COL8A1: variants seen among roughly 807,000 people sequenced by gnomAD.
COL8A1 encodes collagen type VIII alpha 1 chain.
COL8A1 carries 21 observed loss-of-function variants against 42.7 expected under a neutral mutation model. That is an observed-to-expected ratio of 0.49 (90% confidence interval 0.35 to 0.71). COL8A1 has a LOEUF of 0.71. Ranked by LOEUF, COL8A1 falls within the 30% of genes least tolerant of loss-of-function variation. The pLI, the probability that COL8A1 is intolerant of heterozygous loss-of-function variation, is 0.01. For missense variants in COL8A1, 788 were observed against 962.4 expected (o/e 0.82, Z 2.40); for synonymous variants, 367 against 369.1 (o/e 0.99, Z 0.06).
At chr3:99,713,007 G>A (rs1939888833) in intron 1 of COL8A1, among the ~76,000 whole-genome samples, 1 of 152,128 alleles carries the variant, frequency 6.6e-6, no homozygotes, top group African/African-American at 2.4e-5. Context: ...AGAACAGTTT[G>A]TGCAATGTGA....
chr3:99,774,108 G>C (rs1373321937), intron 2 of COL8A1, among the ~76,000 whole-genome samples: 1 of 150,772 alleles, frequency 6.6e-6, no homozygotes, highest in African/African-American at 2.4e-5. Flanking sequence ...GCCTCCCAAA[G>C]TGCTGGGATT....
chr3:99,719,110 G>A (rs1940080501), intron 1 of COL8A1, among the ~76,000 whole-genome samples: 2 of 151,962 alleles, frequency 1.3e-5, no homozygotes, highest in Non-Finnish European at 2.9e-5. Flanking sequence ...CTAGCTCAGA[G>A]ATTTGTTGTA....
At chr3:99,757,539 C>T (rs899512871) in intron 2 of COL8A1, among the ~76,000 whole-genome samples, 13 of 152,122 alleles carry the variant, frequency 8.5e-5, no homozygotes, top group Non-Finnish European at 1.5e-4. Flanking sequence ...TTTTGACTGC[C>T]GTATTAATTC....
chr3:99,663,387 G>A lies in COL8A1; in HGVS notation c.-129+24723G>A, dbSNP rs554543598. 6.6e-5 allele frequency among the ~76,000 whole-genome samples: 10 copies of A among 152,194 alleles called. No individual in the cohort carries two copies. In the East Asian group the frequency reaches 1.4e-3, roughly 21 times the overall value. On this transcript the variant is annotated intron_variant, in intron 1 of 3. Transcript: ENST00000652472. ...ACAGGGCTCACTCCCTTTGCTGTTT[G>A]CTCTAGGGCCTCTCAAAATTGTCGT...
chr3:99,784,811 A>C (rs1474239734), intron 2 of COL8A1, among the ~76,000 whole-genome samples: 2 of 152,184 alleles, frequency 1.3e-5, no homozygotes, highest in Non-Finnish European at 2.9e-5. Context: ...ACTTTTTTCC[A>C]GTAAATAAAA....
rs188208031 is a variant in COL8A1 at position 99,765,782 on chromosome 3, G to A, written c.-4+20761G>A. Among the ~76,000 whole-genome samples the A allele has an allele frequency of 2.0e-5, 3 of 152,122 alleles. No homozygotes were observed. The East Asian group carries it at 5.8e-4, about 29-fold the overall frequency. On this transcript the variant is annotated intron_variant, in intron 2 of 3. Coordinates refer to ENST00000652472, the MANE Select transcript of COL8A1 (RefSeq NM_020351.4). ...AACCTAAGAATGTTAACATTTTGTG[G>A]TTACTAGATGTTTTTAATACCATTC...
chr3:99,765,324 G>A (rs1020781026), intron 2 of COL8A1, among the ~76,000 whole-genome samples: 3 of 152,086 alleles, frequency 2.0e-5, no homozygotes, highest in Non-Finnish European at 4.4e-5. Flanking sequence ...AACAGCAAGA[G>A]AATGAACTTC....
intron 1 of COL8A1, among the ~76,000 whole-genome samples, chr3:99,708,816 T>C (rs957735678): frequency 2.0e-5 from 3 of 152,176 alleles, no homozygotes; most frequent in African/African-American, 7.2e-5. Context: ...GTGGGAATAG[T>C]CTGAGGGTGA....
chr3:99,793,709 T>A (rs577170612), intron 3 of COL8A1, among the ~76,000 whole-genome samples: 1 of 152,230 alleles, frequency 6.6e-6, no homozygotes, highest in East Asian at 1.9e-4. Flanking sequence ...ATACCTCAAA[T>A]ACATAAAAAA....
At chr3:99,684,529 CT>C (rs540206029) in intron 1 of COL8A1, among the ~76,000 whole-genome samples, 223 of 152,278 alleles carry the variant, frequency 1.5e-3, no homozygotes, top group Non-Finnish European at 2.6e-3. Flanking sequence ...AATTGTTAAT[CT>C]TTATTAAGAG....
At chr3:99,792,837 AATCC>A (rs1442587136) in intron 3 of COL8A1, among the ~76,000 whole-genome samples, 2 of 152,234 alleles carry the variant, frequency 1.3e-5, no homozygotes, top group Admixed American at 1.3e-4. Flanking sequence ...AGGCTTAGGA[AATCC>A]CACAGCACCT....
intron 1 of COL8A1, among the ~76,000 whole-genome samples, chr3:99,696,084 A>G (rs542586601): frequency 6.6e-6 from 1 of 152,374 alleles, no homozygotes; most frequent in East Asian, 1.9e-4. Context: ...CAATGAGCCA[A>G]GATTGCACCA....
At chr3:99,762,278 T>C (rs1941379374) in intron 2 of COL8A1, among the ~76,000 whole-genome samples, 2 of 152,094 alleles carry the variant, frequency 1.3e-5, no homozygotes, top group Admixed American at 1.3e-4. Context: ...GGCTTTTTAA[T>C]GTGTATCTAT....
At chr3:99,692,056 C>CCAGG (rs1293033579) in intron 1 of COL8A1, among the ~76,000 whole-genome samples, 4 of 152,100 alleles carry the variant, frequency 2.6e-5, no homozygotes, top group African/African-American at 9.7e-5. Flanking sequence ...CATTCCTCTT[C>CCAGG]CAGGTGGTAG....
intron 1 of COL8A1, chr3:99,703,444 G>A (rs2107348809): frequency 6.6e-6 from 1 of 152,258 alleles, no homozygotes; most frequent in African/African-American, 2.4e-5. Context: ...AAATGCAGAG[G>A]CAAGGAAAAT....
chr3:99,678,216 C>T (rs897187876), intron 1 of COL8A1: 2 of 151,998 alleles, frequency 1.3e-5, no homozygotes, highest in Non-Finnish European at 2.9e-5. Flanking sequence ...GCAAGTCTGC[C>T]TTTTCCCTGC....
At position 99,795,732 on chromosome 3, in the gene COL8A1, C is replaced by T. The variant is rs2107460870; in HGVS notation, c.1831C>T (p.Pro611Ser). ...GGCTAAGAAAGGCAAGAATGGAGGG[C>T]CAGCCTATGAGATGCCTGCATTTAC... Reference protein sequence around the residue: ...YGAKKGKNGGPAYEMPAFTAE... With the variant: ...YGAKKGKNGGSAYEMPAFTAE... Residue 611 changes from proline (P) to serine (S), a missense_variant, in exon 4 of 4, where the codon CCA becomes TCA. By Grantham distance (74) the Pro-to-Ser change is moderately conservative. Coordinates refer to ENST00000652472, the MANE Select transcript of COL8A1 (RefSeq NM_020351.4). 1 of 1,614,118 alleles carries T rather than the reference C, an allele frequency of 6.2e-7. No individual in the cohort carries two copies. The highest frequency in any genetic ancestry group is 8.5e-7 in the Non-Finnish European group (1 of 1,180,018).
At chr3:99,686,762 C>A (rs1237021411) in intron 1 of COL8A1, among the ~76,000 whole-genome samples, 1 of 152,192 alleles carries the variant, frequency 6.6e-6, no homozygotes, top group Non-Finnish European at 1.5e-5. Context: ...GTGGCCTCAG[C>A]CTCCCTAGCC....
intron 1 of COL8A1, among the ~76,000 whole-genome samples, chr3:99,704,266 C>A (rs1463385631): frequency 6.6e-6 from 1 of 151,894 alleles, no homozygotes; most frequent in Non-Finnish European, 1.5e-5. Context: ...CAACAGATAA[C>A]CAAGAAACAA....
Sources: allele counts gnomAD v4.1 joint callset (sites outside exome capture counted in the v4.1 genomes callset), GRCh38; gene constraint gnomAD v4.1.1; transcripts MANE v1.5; gene names NCBI Gene and HGNC (gene_info 2026-07-23, HGNC 2026-07-21).